Variants in PROX2 observed in about 807,000 individuals in gnomAD.
The protein encoded by PROX2 is prospero homeobox protein 2.
In PROX2, 46 loss-of-function variants were observed where a neutral mutation model predicts 48.9. The ratio of observed to expected loss-of-function variants is 0.94; its 90% CI spans 0.74 to 1.20. The LOEUF (loss-of-function observed/expected upper bound fraction) is 1.20. Among genes scored for constraint, PROX2 ranks in the 50% most tolerant of loss-of-function variants. The probability of loss-of-function intolerance (pLI) is 0.00; values close to 1 mark genes in which losing one functional copy is unlikely to be tolerated. For missense variants in PROX2, 663 were observed against 719.4 expected (o/e 0.92, Z 0.90); for synonymous variants, 260 against 276.6 (o/e 0.94, Z 0.60).
chr14:74,858,504 C>G lies in PROX2; in HGVS notation c.1316G>C (p.Gly439Ala), dbSNP rs1334377680. 4 of 1,564,670 alleles carry G rather than the reference C, an allele frequency of 2.6e-6. No homozygotes were observed. Among genetic ancestry groups the G allele is most frequent in the Non-Finnish European group, 3.5e-6 (4 of 1,150,464 alleles). Reference protein sequence around the residue: ...LPFSLVHIQEGLNPGHLKKAK... With the variant: ...LPFSLVHIQEALNPGHLKKAK... ...CTTCTTCAAGTGACCAGGGTTTAGA[C>G]CCTCCTGGATTTATCTCAGTGTCAA... is the stretch of plus-strand genomic sequence containing the variant. Residue 439 changes from glycine to alanine, a missense_variant, in exon 4 of 6, where the codon GGT (glycine) becomes GCT (alanine). Physicochemically the swap from Gly to Ala is moderately conservative, Grantham distance 60. Coordinates refer to ENST00000556489, the MANE Select transcript of PROX2 (RefSeq NM_001243007.2).
intron 1 of PROX2, among the ~76,000 whole-genome samples, chr14:74,873,491 C>CA (rs1293359860): frequency 6.6e-6 from 1 of 152,158 alleles, no homozygotes; most frequent in Non-Finnish European, 1.5e-5. Context: ...CAGGAGCCCC[C>CA]ACAGCCATAG....
chr14:74,858,441 G>A lies in PROX2; in HGVS notation c.1379C>T (p.Ser460Phe), dbSNP rs2091763905. Residue 460 changes from serine to phenylalanine, a missense_variant, in exon 4 of 6, where the codon TCC becomes TTC. Transcript: ENST00000556489. The stretch of plus-strand genomic sequence containing the variant: ...AGGAAAATAAACCTTCAGGAGGTTG[G>A]AGCTGGGATATCGTGTGAAGAAAAA... The part of the protein sequence containing the change: ...LMFFFTRYPS[S>F]NLLKVYFPDV... The A allele has an allele frequency of 6.3e-7, 1 of 1,584,318 alleles. No homozygotes were observed. The highest frequency in any genetic ancestry group is 8.6e-7 in the Non-Finnish European group (1 of 1,163,924).
intron 2 of PROX2, among the ~76,000 whole-genome samples, chr14:74,868,046 C>G (rs1297348260): frequency 6.6e-6 from 1 of 152,094 alleles, no homozygotes; most frequent in African/African-American, 2.4e-5. Flanking sequence ...AGCAGTGATG[C>G]TTTCTGTTTG....
At chr14:74,872,010 C>T (rs180686569) in intron 1 of PROX2, 1 of 152,318 alleles carries the variant, frequency 6.6e-6, no homozygotes, top group African/African-American at 2.4e-5. Context: ...GAAGGGCTGC[C>T]TATGAGGCCA....
At chr14:74,862,409 GTC>G in intron 3 of PROX2, 119 bp downstream of exon 3, 3 of 1,129,590 alleles carry the variant, frequency 2.7e-6, no homozygotes, top group Non-Finnish European at 3.7e-6. Flanking sequence ...GTGCAGGCTA[GTC>G]TTGAACACCT....
rs76383517 is a variant in PROX2 at position 74,865,570 on chromosome 14, C to T, written c.-174-1562G>A. On this transcript the variant is annotated intron_variant, in intron 2 of 5. Coordinates refer to ENST00000556489, the MANE Select transcript of PROX2 (RefSeq NM_001243007.2). ...AATAATCATTGAACTGGGCCGGGCG[C>T]GGTGGCTCACGCCTGTAATCCCAGC... Among the ~76,000 whole-genome samples the T allele has an allele frequency of 4.5e-4, 68 of 152,070 alleles. No homozygotes were observed. In the East Asian group the frequency reaches 0.01, roughly 23 times the overall value.
chr14:74,863,317 A>G lies in PROX2; in HGVS notation c.518T>C (p.Leu173Pro), dbSNP rs752457485. The change falls in exon 3 of 6, where the codon CTG becomes CCG. Residue 173 changes from leucine to proline, a missense_variant. Physicochemically the swap from Leu to Pro is moderately conservative, Grantham distance 98 (BLOSUM62 -3). Coordinates refer to ENST00000556489, the MANE Select transcript of PROX2 (RefSeq NM_001243007.2). ...PGGCGTGKGP[L>P]SAKQGNGCGP... ...ACAGCCATTCCCCTGCTTTGCACTC[A>G]GAGGGCCTTTCCCCGTGCCACAGCC... 2 of 1,614,026 alleles carry G rather than the reference A, an allele frequency of 1.2e-6. No homozygotes were observed. Among genetic ancestry groups the G allele is most frequent in the East Asian group, 2.2e-5 (1 of 44,890 alleles).
In PROX2 at chr14:74,863,123, C is replaced by T; in HGVS notation, c.712G>A (p.Val238Met). 2 of 1,614,032 alleles carry T rather than the reference C, an allele frequency of 1.2e-6. No individual in the cohort carries two copies. The highest frequency in any genetic ancestry group is 1.7e-6 in the Non-Finnish European group (2 of 1,179,890). ...AGTACCTTTTGTAATACCGAGTCCA[C>T]AGCCTGGGACACTGCCCTGGTCAGC... Reference protein sequence around the residue: ...KELTRAVSQAVDSVLQKVLLD... With the variant: ...KELTRAVSQAMDSVLQKVLLD... The change falls in exon 3 of 6, where the codon GTG (valine) becomes ATG (methionine). Residue 238 changes from valine (V) to methionine (M), a missense_variant. Physicochemically the swap from Val to Met is conservative, Grantham distance 21. Transcript: ENST00000556489.
At chr14:74,865,524 G>A (rs913457185) in intron 2 of PROX2, among the ~76,000 whole-genome samples, 1 of 152,184 alleles carries the variant, frequency 6.6e-6, no homozygotes, top group Non-Finnish European at 1.5e-5. Flanking sequence ...CTCCAACCAC[G>A]TCACTTGCTT....
chr14:74,870,614 A>G (rs1251423840), intron 2 of PROX2, among the ~76,000 whole-genome samples: 1 of 152,014 alleles, frequency 6.6e-6, no homozygotes, highest in East Asian at 1.9e-4. Flanking sequence ...TGTAATGAAA[A>G]AAGGCAATCT....
At chr14:74,856,020 G>GTC (rs2091740115) in intron 5 of PROX2, 1 of 152,282 alleles carries the variant, frequency 6.6e-6, no homozygotes, top group African/African-American at 2.4e-5. Context: ...GTCAACCAGT[G>GTC]GATGACCACA....
chr14:74,868,360 T>TATATATATAA (rs1883126741), intron 2 of PROX2, among the ~76,000 whole-genome samples: 3 of 107,840 alleles, frequency 2.8e-5, no homozygotes, highest in Admixed American at 9.5e-5. Context: ...TATATATATA[T>TATATATATAA]AAACAAAAAT....
intron 1 of PROX2, chr14:74,874,250 A>AT: frequency 9.3e-6 from 3 of 323,456 alleles, no homozygotes; most frequent in East Asian, 8.4e-5. Context: ...GCATCATACA[A>AT]GTTTTTTTTT....
chr14:74,861,816 A>G (rs1198137575), intron 3 of PROX2, among the ~76,000 whole-genome samples: 1 of 152,168 alleles, frequency 6.6e-6, no homozygotes, highest in African/African-American at 2.4e-5. Context: ...GGAATTATCT[A>G]CACAATATAG....
At chr14:74,857,362 C>G (rs1345844877) in intron 4 of PROX2, 1 of 173,906 alleles carries the variant, frequency 5.8e-6, no homozygotes, top group African/African-American at 2.4e-5. Flanking sequence ...GGGCCTTCCA[C>G]TTGGATAAAG....
chr14:74,856,265 A>C (rs534923083), intron 5 of PROX2: 1 of 153,478 alleles, frequency 6.5e-6, no homozygotes, highest in Non-Finnish European at 1.5e-5. Flanking sequence ...AGGTGCCACC[A>C]GTGTGCCTTC....
At chr14:74,873,753 C>G in intron 1 of PROX2, 1 of 473,672 alleles carries the variant, frequency 2.1e-6, no homozygotes, top group Non-Finnish European at 4.2e-6. Flanking sequence ...AAAGGCCAAG[C>G]TACTTCTAGA....
intron 1 of PROX2, among the ~76,000 whole-genome samples, chr14:74,874,953 T>C (rs569271024): frequency 6.6e-6 from 1 of 152,212 alleles, no homozygotes; most frequent in East Asian, 1.9e-4. Flanking sequence ...GAGACCATCC[T>C]GGCCAACATG....
chr14:74,868,337 ATATATATATATATATATATATAT>A (rs1164098380), intron 2 of PROX2, among the ~76,000 whole-genome samples: 6 of 133,632 alleles, frequency 4.5e-5, no homozygotes, highest in Non-Finnish European at 8.1e-5. Flanking sequence ...ATATATATAT[ATATATATATATATATATATATAT>A]AAACAAAAAT....
Sources: allele counts gnomAD v4.1 joint callset (sites outside exome capture counted in the v4.1 genomes callset), GRCh38; gene constraint gnomAD v4.1.1; transcripts MANE v1.5; gene names NCBI Gene and HGNC (gene_info 2026-07-23, HGNC 2026-07-21).